The following SOBP variants were observed in gnomAD, a reference collection of about 807,000 sequenced individuals.
SOBP encodes the protein sine oculis-binding protein homolog.
A neutral mutation model predicts 53.6 loss-of-function variants in SOBP; 4 were observed. The observed-to-expected ratio is 0.07, with a 90% CI of 0.04 to 0.17. The LOEUF (loss-of-function observed/expected upper bound fraction) is 0.17, where lower values mean the gene tolerates loss of function less well. Ranked by LOEUF, SOBP falls within the 10% of genes least tolerant of loss-of-function variation. SOBP has a pLI of 1.00. For synonymous variants in SOBP, 584 were observed against 522.6 expected (o/e 1.12, Z -1.60); for missense variants, 1,088 against 1,204.7 (o/e 0.90, Z 1.43).
At chr6:107,524,841 C>T (rs978543766) in intron 3 of SOBP, among the ~76,000 whole-genome samples, 8 of 152,316 alleles carry the variant, frequency 5.3e-5, no homozygotes, top group South Asian at 2.1e-4. Flanking sequence ...TGGAGCAGCA[C>T]GTTCCAGGAG....
intron 4 of SOBP, among the ~76,000 whole-genome samples, chr6:107,579,496 C>T (rs73516993): frequency 0.024 from 3,655 of 152,274 alleles, 143 homozygotes; most frequent in African/African-American, 0.084. Flanking sequence ...ATTCCAGACA[C>T]AGTTTTAATG....
At chr6:107,588,282 G>A (rs1046515979) in intron 5 of SOBP, among the ~76,000 whole-genome samples, 4 of 152,126 alleles carry the variant, frequency 2.6e-5, no homozygotes, top group Non-Finnish European at 5.9e-5. Flanking sequence ...CATTCTAGCC[G>A]CAGTAGCTAC....
intron 4 of SOBP, among the ~76,000 whole-genome samples, chr6:107,568,411 C>G (rs971636086): frequency 1.3e-5 from 2 of 152,162 alleles, no homozygotes; most frequent in African/African-American, 2.4e-5. Flanking sequence ...CCAAAGCATG[C>G]CTCAGGCAAC....
chr6:107,554,046 G>A (rs562638371), intron 4 of SOBP, among the ~76,000 whole-genome samples: 10 of 152,208 alleles, frequency 6.6e-5, no homozygotes, highest in Non-Finnish European at 1.3e-4. Context: ...GGTTGGGACA[G>A]GTGGAGGTGA....
At chr6:107,654,072 G>A (rs1453574187) in intron 6 of SOBP, among the ~76,000 whole-genome samples, 1 of 152,180 alleles carries the variant, frequency 6.6e-6, no homozygotes, top group Non-Finnish European at 1.5e-5. Context: ...TGAACAGAGA[G>A]TCTCTCAATG....
chr6:107,633,937 T>C lies in SOBP; in HGVS notation c.1093T>C (p.Ser365Pro), dbSNP rs1770836493. The C allele has an allele frequency of 6.2e-7, 1 of 1,614,196 alleles. No homozygotes were observed. Among genetic ancestry groups the C allele is most frequent in the South Asian group, 1.1e-5 (1 of 91,088 alleles). The change falls in exon 6 of 7, where the codon TCC (serine) becomes CCC (proline). Residue 365 changes from serine (S) to proline (P), a missense_variant. Transcript: ENST00000317357. The part of the protein sequence containing the change: ...ISETPNIPPV[S>P]VQPPASIGPP... The stretch of plus-strand genomic sequence containing the variant: ...CGAGACTCCAAATATCCCTCCTGTC[T>C]CCGTCCAGCCACCTGCTAGCATCGG...
intron 6 of SOBP, among the ~76,000 whole-genome samples, chr6:107,654,202 T>C (rs568426298): frequency 6.0e-4 from 91 of 152,374 alleles, no homozygotes; most frequent in African/African-American, 2.1e-3. Context: ...AGACCATGCC[T>C]TGTGGTGCCA....
chr6:107,509,012 T>TA (rs1190472500), intron 3 of SOBP, among the ~76,000 whole-genome samples: 1 of 152,182 alleles, frequency 6.6e-6, no homozygotes, highest in African/African-American at 2.4e-5. Flanking sequence ...ATGGACAAGT[T>TA]ACATAAGCTC....
In SOBP at chr6:107,655,431, A is replaced by T. The variant is rs1474931093; in HGVS notation, c.*4-2776A>T. Reference sequence around the variant, plus strand: ...CCCTCCTCAAATGTTATCAGCAGAGAGGGACTTGTACTGCCACCATCTGGC... The same window carrying T: ...CCCTCCTCAAATGTTATCAGCAGAGTGGGACTTGTACTGCCACCATCTGGC... On this transcript the variant is annotated intron_variant, in intron 6 of 6. Coordinates refer to ENST00000317357, the MANE Select transcript of SOBP (RefSeq NM_018013.4). Among the ~76,000 whole-genome samples the T allele has an allele frequency of 2.0e-5, 3 of 152,166 alleles. No individual in the cohort carries two copies. In the East Asian group the frequency reaches 5.8e-4, roughly 29 times the overall value.
chr6:107,515,738 C>T (rs1327614285), intron 3 of SOBP, among the ~76,000 whole-genome samples: 1 of 152,128 alleles, frequency 6.6e-6, no homozygotes, highest in Non-Finnish European at 1.5e-5. Flanking sequence ...GACAGCGAGA[C>T]TCTGTCTCAA....
At position 107,635,936 on chromosome 6, in the gene SOBP, A is replaced by C. The variant is rs1489585513; in HGVS notation, c.*3+467A>C. 6.6e-6 allele frequency among the ~76,000 whole-genome samples: 1 copy of C among 152,228 alleles called. No individual in the cohort carries two copies. The highest frequency in any genetic ancestry group is 1.5e-5 in the Non-Finnish European group (1 of 68,042). The stretch of plus-strand genomic sequence containing the variant: ...CCATGAGCTGGGCCACCTACTAAAT[A>C]GAGCTGGTTGCCTCATTGGCAGAAT... On this transcript the variant is annotated intron_variant, in intron 6 of 6. Coordinates refer to ENST00000317357, the MANE Select transcript of SOBP (RefSeq NM_018013.4). This position sits in a 1 kb window ranked among gnomAD's most constrained non-coding sequence, Gnocchi z 4.5.
At chr6:107,555,146 T>C (rs1784572430) in intron 4 of SOBP, among the ~76,000 whole-genome samples, 1 of 151,574 alleles carries the variant, frequency 6.6e-6, no homozygotes, top group African/African-American at 2.4e-5. Context: ...CACCCACCCG[T>C]TCTCCCACGC....
rs562577142 is a variant in SOBP at position 107,496,299 on chromosome 6, G to A, written c.96+5587G>A. Among the ~76,000 whole-genome samples the A allele has an allele frequency of 7.2e-5, 11 of 152,304 alleles. 1 individual carries two copies. Among genetic ancestry groups the A allele is most frequent in the African/African-American group, 2.4e-4 (10 of 41,574 alleles). On this transcript the variant is annotated intron_variant, in intron 1 of 6. Coordinates refer to ENST00000317357, the MANE Select transcript of SOBP (RefSeq NM_018013.4). ...CATGCCTGCCACAATGTTAGCCTGA[G>A]GGCTGGTATTCACAATTTCACAGCA...
At chr6:107,511,771 T>C (rs1171531571) in intron 3 of SOBP, 1 of 152,214 alleles carries the variant, frequency 6.6e-6, no homozygotes, top group African/African-American at 2.4e-5. Flanking sequence ...TCTTGGTGGT[T>C]ACCACAGCAT....
chr6:107,641,454 A>T (rs979335464), intron 6 of SOBP, among the ~76,000 whole-genome samples: 2 of 152,220 alleles, frequency 1.3e-5, no homozygotes, highest in Middle Eastern at 3.2e-3. Context: ...CTGTGGAAAG[A>T]TCTTCTACTC....
intron 6 of SOBP, among the ~76,000 whole-genome samples, chr6:107,640,248 G>A (rs966180514): frequency 6.6e-6 from 1 of 152,184 alleles, no homozygotes; most frequent in Non-Finnish European, 1.5e-5. Context: ...CCATACATTC[G>A]AAACAATACT....
chr6:107,537,033 G>T (rs1015098004), intron 4 of SOBP, among the ~76,000 whole-genome samples: 1 of 152,142 alleles, frequency 6.6e-6, no homozygotes, highest in Non-Finnish European at 1.5e-5. Flanking sequence ...TCTTTTCCCA[G>T]CCCATTTTTG....
At chr6:107,615,630 G>C (rs957456955) in intron 5 of SOBP, among the ~76,000 whole-genome samples, 1 of 152,164 alleles carries the variant, frequency 6.6e-6, no homozygotes, top group African/African-American at 2.4e-5. Context: ...AGGATGGTGT[G>C]TTCCCCAAGG....
At chr6:107,637,999 T>C (rs1415015841) in intron 6 of SOBP, among the ~76,000 whole-genome samples, 3 of 152,172 alleles carry the variant, frequency 2.0e-5, no homozygotes, top group Non-Finnish European at 2.9e-5. Context: ...AGCTTTTCTT[T>C]AAAATCAGAA....
Sources: gnomAD v4.1 joint callset for allele counts (sites outside exome capture counted in the v4.1 genomes callset) on GRCh38, gnomAD v4.1.1 for gene constraint, Gnocchi (gnomAD v3.1) non-coding constraint, MANE v1.5 for transcripts, NCBI Gene and HGNC (gene_info 2026-07-23, HGNC 2026-07-21) for gene names.